PALM2AKAP2: variants seen among roughly 807,000 people sequenced by gnomAD.
PALM2AKAP2 encodes the protein PALM2 and AKAP2 fusion.
PALM2AKAP2 carries 37 observed loss-of-function variants against 71.5 expected under a neutral mutation model. The ratio of observed to expected loss-of-function variants is 0.52; its 90% CI spans 0.40 to 0.68. The LOEUF is 0.68. PALM2AKAP2 is among the 30% of genes least tolerant of loss of function. PALM2AKAP2 has a pLI of 0.00. For missense variants in PALM2AKAP2, 1,224 were observed against 1,191.8 expected, an observed-to-expected ratio of 1.03 and a Z score of -0.40; for synonymous variants, 468 against 478.8, an observed-to-expected ratio of 0.98 and a Z score of 0.29.
At chr9:109,646,318 T>C (rs1827153262) in intron 1 of PALM2AKAP2, among the ~76,000 whole-genome samples, 2 of 152,258 alleles carry the variant, frequency 1.3e-5, no homozygotes, top group South Asian at 4.1e-4. Flanking sequence ...CTATAGATTT[T>C]GCCTCACACT....
intron 1 of PALM2AKAP2, among the ~76,000 whole-genome samples, chr9:110,053,537 AAAAAAAAAAAAG>A (rs1833759078): frequency 6.6e-6 from 1 of 150,686 alleles, no homozygotes; most frequent in Admixed American, 6.6e-5. Flanking sequence ...CAAAAAAAAA[AAAAAAAAAAAAG>A]AAAAAAAGAA....
In PALM2AKAP2 at chr9:110,140,106, A is replaced by G. The variant is rs73534839; in HGVS notation, c.2569+1567A>G. Among the ~76,000 whole-genome samples the G allele has an allele frequency of 2.8e-3, 428 of 152,288 alleles. 2 individuals carry two copies. Among genetic ancestry groups the G allele is most frequent in the African/African-American group, 9.5e-3 (396 of 41,556 alleles). On this transcript the variant is annotated intron_variant, in intron 2 of 3. Transcript: ENST00000374525. ...GTAGGGCAATACTGTGGTATTCTGC[A>G]ATTTTCACCCCATTTCTTATCAAAC...
chr9:110,136,983 C>T (rs866797983), exon 2 of PALM2AKAP2: 1 of 1,614,122 alleles, frequency 6.2e-7, no homozygotes, highest in Non-Finnish European at 8.5e-7. Context: ...CAGGAAAAAA[C>T]CATCGAGGAG....
intron 2 of PALM2AKAP2, among the ~76,000 whole-genome samples, chr9:109,879,861 C>T (rs1393616558): frequency 2.0e-5 from 3 of 152,110 alleles, no homozygotes; most frequent in Non-Finnish European, 4.4e-5. Context: ...CCACACCCAG[C>T]TAATTGTTTA....
At chr9:110,098,442 T>C (rs1167667671) in intron 1 of PALM2AKAP2, among the ~76,000 whole-genome samples, 1 of 152,234 alleles carries the variant, frequency 6.6e-6, no homozygotes, top group African/African-American at 2.4e-5. Flanking sequence ...GTGAAAATAC[T>C]GAAAACTAAT....
At chr9:109,832,255 G>A (rs78682925) in intron 1 of PALM2AKAP2, among the ~76,000 whole-genome samples, 4,511 of 152,328 alleles carry the variant, frequency 0.03, 164 homozygotes, top group East Asian at 0.13. Flanking sequence ...CGTTGCCTAC[G>A]TTCAAGTCCT....
chr9:109,818,439 A>G (rs560932292), intron 1 of PALM2AKAP2, among the ~76,000 whole-genome samples: 139 of 152,304 alleles, frequency 9.1e-4, no homozygotes, highest in African/African-American at 3.2e-3. Flanking sequence ...AGCAATTTCT[A>G]TTTATTTTTA....
At chr9:109,910,700 C>G (rs931939701) in intron 3 of PALM2AKAP2, among the ~76,000 whole-genome samples, 1 of 151,866 alleles carries the variant, frequency 6.6e-6, no homozygotes, top group African/African-American at 2.4e-5. Context: ...GGGACTGAGG[C>G]TGAGGCATGG....
At chr9:109,827,587 C>T (rs111697800) in intron 1 of PALM2AKAP2, among the ~76,000 whole-genome samples, 130 of 152,116 alleles carry the variant, frequency 8.5e-4, no homozygotes, top group African/African-American at 3.0e-3. Flanking sequence ...CCAGCCTGGG[C>T]GACAGAGTGA....
At chr9:109,901,172 T>TA (rs1830323497) in intron 3 of PALM2AKAP2, among the ~76,000 whole-genome samples, 1 of 152,192 alleles carries the variant, frequency 6.6e-6, no homozygotes, top group Admixed American at 6.5e-5. Flanking sequence ...GGACCTGAGT[T>TA]ACTGGATAAT....
At chr9:110,041,974 C>CTTTTTATAAATAAAAATTTA in intron 7 of PALM2AKAP2, among the ~76,000 whole-genome samples, 1 of 152,206 alleles carries the variant, frequency 6.6e-6, no homozygotes, top group Non-Finnish European at 1.5e-5. Context: ...ATCTTAAAAG[C>CTTTTTATAAATAAAAATTTA]TGACCACCTT....
At chr9:110,061,380 CAA>C (rs1308913984) in intron 1 of PALM2AKAP2, among the ~76,000 whole-genome samples, 2 of 152,030 alleles carry the variant, frequency 1.3e-5, no homozygotes, top group African/African-American at 4.8e-5. Context: ...GCATTGTGAT[CAA>C]GTTTTGTTCA....
chr9:109,701,445 C>A (rs548880352), intron 1 of PALM2AKAP2, among the ~76,000 whole-genome samples: 2 of 152,332 alleles, frequency 1.3e-5, no homozygotes, highest in Non-Finnish European at 2.9e-5. Context: ...TACCACACAT[C>A]TGCAACCATT....
chr9:109,860,724 AT>A lies in PALM2AKAP2; in HGVS notation c.46-6762del, dbSNP rs745990788. Among the ~76,000 whole-genome samples the A allele has an allele frequency of 2.3e-3, 352 of 151,790 alleles. 5 individuals are homozygous for A. The highest frequency in any genetic ancestry group is 4.7e-4 in the Non-Finnish European group (32 of 67,946). ...CATCTCTTCTTTCCTTTTCTCGATCATTTTTCCCCCTAAATAGCATCCCCAC... is the reference window on the plus strand; with the variant it reads ...CATCTCTTCTTTCCTTTTCTCGATCATTTTCCCCCTAAATAGCATCCCCAC... On this transcript the variant is annotated intron_variant, in intron 1 of 9. Coordinates refer to the PALM2AKAP2 transcript ENST00000302798.
intron 2 of PALM2AKAP2, among the ~76,000 whole-genome samples, chr9:109,875,342 G>A (rs977913097): frequency 6.6e-6 from 1 of 152,180 alleles, no homozygotes; most frequent in African/African-American, 2.4e-5. Context: ...CCTCTTCCTA[G>A]GCAGCATCAT....
chr9:110,095,621 C>G (rs1199883966), intron 1 of PALM2AKAP2, among the ~76,000 whole-genome samples: 2 of 152,066 alleles, frequency 1.3e-5, no homozygotes, highest in African/African-American at 4.8e-5. Flanking sequence ...CCTTTTTGTT[C>G]TTGGGGAATT....
chr9:109,890,200 A>G (rs937594747), intron 3 of PALM2AKAP2, among the ~76,000 whole-genome samples: 6 of 152,204 alleles, frequency 3.9e-5, no homozygotes, highest in African/African-American at 1.4e-4. Context: ...CTTTCCAGCG[A>G]TTCTCCAGCA....
intron 1 of PALM2AKAP2, among the ~76,000 whole-genome samples, chr9:109,692,427 T>A (rs1337150811): frequency 2.0e-5 from 3 of 152,042 alleles, no homozygotes; most frequent in Non-Finnish European, 4.4e-5. Flanking sequence ...TTCTTATATC[T>A]ATCTTTTACT....
chr9:109,775,417 TA>T (rs1190339198), upstream of PALM2AKAP2, among the ~76,000 whole-genome samples: 11 of 152,218 alleles, frequency 7.2e-5, no homozygotes, highest in African/African-American at 2.7e-4. Context: ...GGGGACTCCC[TA>T]AATGAATCTA....
Sources: gnomAD v4.1 joint callset for allele counts (sites outside exome capture counted in the v4.1 genomes callset) on GRCh38, gnomAD v4.1.1 for gene constraint, MANE v1.5 for transcripts, NCBI Gene and HGNC (gene_info 2026-07-23, HGNC 2026-07-21) for gene names.